Variants in ANAPC1 observed in about 807,000 individuals in gnomAD.
ANAPC1 encodes anaphase promoting complex subunit 1, also known as anaphase-promoting complex subunit 1.
A neutral mutation model predicts 208.0 loss-of-function variants in ANAPC1; 36 were observed. The observed-to-expected ratio is 0.17, with a 90% confidence interval of 0.13 to 0.23. The LOEUF is 0.23. ANAPC1 is among the 10% of genes least tolerant of loss of function. ANAPC1 has a pLI of 1.00. For missense variants in ANAPC1, 942 were observed against 2,011.6 expected (o/e 0.47, Z 10.17); for synonymous variants, 378 against 695.2 (o/e 0.54, Z 7.18).
At chr2:111,824,364 C>T (rs1425368882) in intron 24 of ANAPC1, among the ~76,000 whole-genome samples, 2 of 151,882 alleles carry the variant, frequency 1.3e-5, no homozygotes, top group African/African-American at 4.8e-5. Flanking sequence ...ATAACATCCT[C>T]ATTTTTAAAA....
intron 18 of ANAPC1, among the ~76,000 whole-genome samples, chr2:111,837,970 AGCT>A (rs1680560660): frequency 4.6e-5 from 7 of 151,796 alleles, no homozygotes; most frequent in Admixed American, 1.3e-4. Flanking sequence ...CTGTAATCCC[AGCT>A]ATTCAGGAGG....
In ANAPC1 at chr2:111,873,371, T is replaced by C. The variant is rs1183494763; in HGVS notation, c.465A>G (p.Gln155=). The C allele has an allele frequency of 6.2e-7, 1 of 1,609,218 alleles. No individual in the cohort carries two copies. Among genetic ancestry groups the C allele is most frequent in the Non-Finnish European group, 8.5e-7 (1 of 1,178,162 alleles). The part of the protein sequence containing the change: ...NEVEKCICIL[Q]SSCINMHSIE... ...TGCTATGCATGTTAATACATGAGCT[T>C]TGCAATATACATATGCATTTTTCTA... The change falls in exon 5 of 48, where the codon CAA becomes CAG. Residue 155 remains glutamine (Q), a synonymous_variant. Transcript: ENST00000341068.
chr2:111,788,960 A>C (rs1468815098), intron 38 of ANAPC1, among the ~76,000 whole-genome samples: 1 of 152,204 alleles, frequency 6.6e-6, no homozygotes, highest in Non-Finnish European at 1.5e-5. Context: ...AACACGGTGA[A>C]ACCCCATCTC....
At chr2:111,789,871 C>T (rs547428497) in intron 38 of ANAPC1, among the ~76,000 whole-genome samples, 5 of 151,946 alleles carry the variant, frequency 3.3e-5, no homozygotes, top group African/African-American at 4.8e-5. Flanking sequence ...TTAAGAGACA[C>T]GGAGAGGCTC....
At position 111,782,246 on chromosome 2, in the gene ANAPC1, C is replaced by G. The variant is rs574738550; in HGVS notation, c.5202+123G>C. The G allele has an allele frequency of 6.4e-6, 5 of 781,508 alleles. No homozygotes were observed. In the African/African-American group the frequency reaches 8.9e-5, roughly 14 times the overall value. 48.4% of individuals were successfully genotyped at this position (781,508 alleles called of 1,614,324 possible). ...CATAAAAAGCAAACAGAGCCACAGTCAGTCTTTACAATCTGCAACAATGAA... is the reference window on the plus strand; with the variant it reads ...CATAAAAAGCAAACAGAGCCACAGTGAGTCTTTACAATCTGCAACAATGAA... On this transcript the variant is annotated intron_variant, in intron 43 of 47. Transcript: ENST00000341068.
intron 6 of ANAPC1, among the ~76,000 whole-genome samples, chr2:111,869,880 T>C (rs1452029332): frequency 6.6e-6 from 1 of 152,240 alleles, no homozygotes; most frequent in Non-Finnish European, 1.5e-5. Flanking sequence ...CCCTCCTCCT[T>C]CTGAGTCTCC....
At chr2:111,807,636 G>A (rs1193115018) in intron 29 of ANAPC1, among the ~76,000 whole-genome samples, 2 of 151,808 alleles carry the variant, frequency 1.3e-5, no homozygotes, top group South Asian at 2.1e-4. Flanking sequence ...AGCTTGCAAT[G>A]AGCCAAGATT....
intron 1 of ANAPC1, among the ~76,000 whole-genome samples, chr2:111,882,081 G>A (rs912235911): frequency 6.6e-6 from 1 of 152,078 alleles, no homozygotes; most frequent in Admixed American, 6.5e-5. Context: ...CTACTCGGGA[G>A]GCTGAGGCAG....
intron 2 of ANAPC1, among the ~76,000 whole-genome samples, chr2:111,879,765 G>A (rs1412334180): frequency 5.3e-5 from 8 of 152,054 alleles, no homozygotes; most frequent in East Asian, 1.9e-4. Context: ...TCAGCTACTC[G>A]GGAGGCTGAG....
intron 1 of ANAPC1, among the ~76,000 whole-genome samples, chr2:111,881,257 G>C (rs1324446526): frequency 6.6e-6 from 1 of 152,066 alleles, no homozygotes; most frequent in Non-Finnish European, 1.5e-5. Flanking sequence ...CATTTGAAAA[G>C]TACATCTAAG....
At chr2:111,830,567 C>T (rs564038655) in intron 21 of ANAPC1, among the ~76,000 whole-genome samples, 4 of 152,080 alleles carry the variant, frequency 2.6e-5, no homozygotes, top group East Asian at 3.9e-4. Context: ...AAGAGAATGA[C>T]GAGACAAGAC....
chr2:111,876,009 T>G, intron 3 of ANAPC1, among the ~76,000 whole-genome samples: 1 of 152,190 alleles, frequency 6.6e-6, no homozygotes. Context: ...CTGTTTGTTC[T>G]CCTTTCTAGG....
chr2:111,864,976 G>C (rs2104567431), intron 7 of ANAPC1, 25 bp from the exon 8 acceptor site: 1 of 1,595,110 alleles, frequency 6.3e-7, no homozygotes, highest in South Asian at 1.1e-5. Flanking sequence ...AGAAAAATCA[G>C]GTATAGAACA....
rs748250001 is a variant in ANAPC1, at chr2:111,856,615, C to T, written c.1514G>A (p.Arg505Gln). 7.4e-6 allele frequency: 12 copies of T among 1,613,384 alleles called. No individual in the cohort carries two copies. The highest frequency in any genetic ancestry group is 8.5e-7 in the Non-Finnish European group (1 of 1,179,564). ...GNLVLYTGVVRVGKVFIPGLP... is the reference protein window; with the variant it reads ...GNLVLYTGVVQVGKVFIPGLP... Reference sequence around the variant, plus strand: ...CATGAAGTGCTACTTATTGCTTACCCGAACCACTCCTGTGTATAGCACCAG... The same window carrying T: ...CATGAAGTGCTACTTATTGCTTACCTGAACCACTCCTGTGTATAGCACCAG... The change falls in exon 13 of 48, where the codon CGG (arginine) becomes CAG (glutamine). Residue 505 changes from arginine (R) to glutamine (Q), a missense_variant and splice_region_variant. By Grantham distance (43) the Arg-to-Gln change is conservative. Transcript: ENST00000341068.
intron 6 of ANAPC1, among the ~76,000 whole-genome samples, chr2:111,869,211 CAAT>C (rs1447672378): frequency 6.6e-6 from 1 of 151,934 alleles, no homozygotes; most frequent in East Asian, 1.9e-4. Context: ...CAAAGCAGCA[CAAT>C]GAGAAAATGG....
chr2:111,821,520 G>GATAT (rs1458440340), intron 25 of ANAPC1, 67 bp from the exon 26 acceptor site: 2 of 1,451,060 alleles, frequency 1.4e-6, no homozygotes, highest in Non-Finnish European at 1.9e-6. Flanking sequence ...TGAACATGAG[G>GATAT]ATATATAGGC....
At chr2:111,810,597 GT>G (rs1678931990) in intron 28 of ANAPC1, among the ~76,000 whole-genome samples, 1 of 149,210 alleles carries the variant, frequency 6.7e-6, no homozygotes, top group Non-Finnish European at 1.5e-5. Context: ...AGCAAGAAGA[GT>G]GGGGCTGGGT....
intron 43 of ANAPC1, 80 bp downstream of exon 43, chr2:111,782,289 C>T: frequency 6.3e-7 from 1 of 1,575,010 alleles, no homozygotes; most frequent in Non-Finnish European, 8.6e-7. Context: ...GCAGATCCAC[C>T]TTTGAAGTTT....
At chr2:111,855,646 A>C (rs1681665021) in intron 13 of ANAPC1, among the ~76,000 whole-genome samples, 1 of 152,208 alleles carries the variant, frequency 6.6e-6, no homozygotes, top group African/African-American at 2.4e-5. Context: ...ATTCAAAAAC[A>C]AGGAAAACTA....
Sources: gnomAD v4.1 joint callset for allele counts (sites outside exome capture counted in the v4.1 genomes callset) on GRCh38, gnomAD v4.1.1 for gene constraint, MANE v1.5 for transcripts, NCBI Gene and HGNC (gene_info 2026-07-23, HGNC 2026-07-21) for gene names.